Variants in NCALD observed in about 807,000 individuals in gnomAD.
NCALD encodes neurocalcin-delta.
NCALD carries 10 observed loss-of-function variants against 18.6 expected under a neutral mutation model. That is an observed-to-expected ratio of 0.54 (90% CI 0.33 to 0.91). The LOEUF is 0.91. Among genes scored for constraint, NCALD ranks in the 40% least tolerant of loss-of-function variants. The pLI is 0.03. For missense variants in NCALD, 184 were observed against 247.6 expected, an observed-to-expected ratio of 0.74 and a Z score of 1.72; for synonymous variants, 88 against 87.4, an observed-to-expected ratio of 1.01 and a Z score of -0.04.
In NCALD at chr8:101,957,549, G is replaced by A. The variant is rs907518721; in HGVS notation, c.-156-41691C>T. 7.2e-5 allele frequency among the ~76,000 whole-genome samples: 11 copies of A among 152,066 alleles called. No individual in the cohort carries two copies. In the South Asian group the frequency reaches 8.3e-4, roughly 11 times the overall value. On this transcript the variant is annotated intron_variant, in intron 2 of 6. Coordinates refer to the NCALD transcript ENST00000311028. Reference sequence around the variant, plus strand: ...AATCAGGATGTGTCTTGGAAAACTCGCTGGCAGCCTGGAGGATATTTGTTT... The same window carrying A: ...AATCAGGATGTGTCTTGGAAAACTCACTGGCAGCCTGGAGGATATTTGTTT...
At chr8:102,096,559 C>T (rs1322425800) in intron 1 of NCALD, among the ~76,000 whole-genome samples, 1 of 152,262 alleles carries the variant, frequency 6.6e-6, no homozygotes, top group Admixed American at 6.5e-5. Context: ...GAAAGTACCT[C>T]TGATTGGTTG....
intron 3 of NCALD, among the ~76,000 whole-genome samples, chr8:101,891,779 C>A (rs1321631955): frequency 2.6e-5 from 4 of 152,162 alleles, no homozygotes; most frequent in Non-Finnish European, 5.9e-5. Context: ...CAGGTCACTC[C>A]CACCCAAATA....
chr8:101,779,707 T>C (rs1234373489), intron 1 of NCALD, among the ~76,000 whole-genome samples: 1 of 152,144 alleles, frequency 6.6e-6, no homozygotes, highest in East Asian at 1.9e-4. Flanking sequence ...AGGTTTTGAA[T>C]TCTGTTTTAA....
At chr8:101,805,033 T>C (rs757561162) in intron 4 of NCALD, among the ~76,000 whole-genome samples, 2 of 152,200 alleles carry the variant, frequency 1.3e-5, no homozygotes, top group Non-Finnish European at 2.9e-5. Context: ...AGTGGCACTT[T>C]GAAAAGCTCC....
intron 1 of NCALD, among the ~76,000 whole-genome samples, chr8:102,045,154 T>G (rs934806860): frequency 6.6e-6 from 1 of 152,214 alleles, no homozygotes; most frequent in African/African-American, 2.4e-5. Flanking sequence ...TCAAGTTTAG[T>G]TTCATTTCCT....
At chr8:102,077,014 C>T (rs766823129) in intron 1 of NCALD, among the ~76,000 whole-genome samples, 14 of 152,146 alleles carry the variant, frequency 9.2e-5, no homozygotes, top group Non-Finnish European at 1.6e-4. Flanking sequence ...TCCCCATTCA[C>T]GCCCCTTCCC....
intron 4 of NCALD, among the ~76,000 whole-genome samples, chr8:101,844,327 T>C (rs1814776030): frequency 6.6e-6 from 1 of 152,064 alleles, no homozygotes; most frequent in Non-Finnish European, 1.5e-5. Flanking sequence ...GTCAATATCA[T>C]GTGCTTCTCA....
chr8:101,836,724 C>T (rs984218173), intron 4 of NCALD, among the ~76,000 whole-genome samples: 42 of 152,224 alleles, frequency 2.8e-4, no homozygotes, highest in Non-Finnish European at 2.2e-4. Context: ...AGTAAGAAGT[C>T]TGTGCATTCC....
At chr8:101,994,068 A>T (rs920127670) in intron 2 of NCALD, among the ~76,000 whole-genome samples, 33 of 152,310 alleles carry the variant, frequency 2.2e-4, no homozygotes, top group Non-Finnish European at 4.3e-4. Context: ...CAATTGCCAT[A>T]AGAATATCTT....
chr8:101,766,826 A>G (rs1342475244), intron 1 of NCALD, among the ~76,000 whole-genome samples: 1 of 152,170 alleles, frequency 6.6e-6, no homozygotes, highest in Non-Finnish European at 1.5e-5. Flanking sequence ...TGATCCGCCC[A>G]CCTGGGCCTC....
At chr8:102,037,944 C>T (rs573314120) in intron 1 of NCALD, among the ~76,000 whole-genome samples, 11 of 152,230 alleles carry the variant, frequency 7.2e-5, no homozygotes, top group South Asian at 6.2e-4. Context: ...TTTATTATTT[C>T]AATACCAGAG....
Position 101,994,692 on chromosome 8 carries a change from C to T in NCALD, c.-157+25545G>A, listed in dbSNP as rs116428654. ...CTGCCTCTACTACATGGTCATGAGC[C>T]TTGTGCCTTTAGACCAGTTCCTTCA... is the stretch of plus-strand genomic sequence containing the variant. On this transcript the variant is annotated intron_variant, in intron 2 of 6. Coordinates refer to the NCALD transcript ENST00000311028. Among the ~76,000 whole-genome samples, 1,148 of 152,360 alleles carry T rather than the reference C, an allele frequency of 7.5e-3. 13 individuals are homozygous for T. Among genetic ancestry groups the T allele is most frequent in the African/African-American group, 0.023 (949 of 41,588 alleles).
At chr8:101,890,315 T>C (rs954656993) in intron 3 of NCALD, among the ~76,000 whole-genome samples, 2 of 152,104 alleles carry the variant, frequency 1.3e-5, no homozygotes, top group African/African-American at 4.8e-5. Context: ...ATAGTGGGGG[T>C]AGAAATTGAT....
At chr8:101,931,161 T>C (rs1017145433) in intron 2 of NCALD, among the ~76,000 whole-genome samples, 1 of 152,146 alleles carries the variant, frequency 6.6e-6, no homozygotes, top group Admixed American at 6.5e-5. Flanking sequence ...AAGTACTCAT[T>C]ATCTGGGTTC....
chr8:101,975,213 T>A (rs545285271), intron 2 of NCALD: 1 of 152,070 alleles, frequency 6.6e-6, no homozygotes, highest in African/African-American at 2.4e-5. Flanking sequence ...ATGCCAAGAG[T>A]AAGAAAAAAT....
At position 101,805,141 on chromosome 8, in the gene NCALD, C is replaced by G. The variant is rs369251901; in HGVS notation, c.-20+82000G>C. The stretch of plus-strand genomic sequence containing the variant: ...AATAATCCTTCTAAGGGCATATAGA[C>G]AATGCAGAAACATTCATTCAAGAAA... On this transcript the variant is annotated intron_variant, in intron 4 of 6. Coordinates refer to the NCALD transcript ENST00000311028. 2.0e-5 allele frequency among the ~76,000 whole-genome samples: 3 copies of G among 152,190 alleles called. No individual in the cohort carries two copies. In the East Asian group the frequency reaches 5.8e-4, roughly 29 times the overall value.
intron 1 of NCALD, among the ~76,000 whole-genome samples, chr8:102,067,021 G>A (rs566839857): frequency 6.6e-6 from 1 of 152,258 alleles, no homozygotes; most frequent in East Asian, 1.9e-4. Context: ...GTTCAGAATT[G>A]TTTGCATTTT....
intron 1 of NCALD, among the ~76,000 whole-genome samples, chr8:102,076,046 G>A (rs1048394085): frequency 2.6e-5 from 4 of 151,622 alleles, no homozygotes; most frequent in African/African-American, 9.7e-5. Context: ...GAAATAGTAT[G>A]TAAAAAATAA....
chr8:101,798,069 G>A (rs1420313256), intron 4 of NCALD, among the ~76,000 whole-genome samples: 2 of 152,098 alleles, frequency 1.3e-5, no homozygotes, highest in African/African-American at 4.8e-5. Flanking sequence ...TTAATAGTGA[G>A]AGTAAATATT....
Sources: allele counts gnomAD v4.1 joint callset (sites outside exome capture counted in the v4.1 genomes callset), GRCh38; gene constraint gnomAD v4.1.1; transcripts MANE v1.5; gene names NCBI Gene and HGNC (gene_info 2026-07-23, HGNC 2026-07-21).